RGPD8: variants seen among roughly 807,000 people sequenced by gnomAD.
The protein encoded by RGPD8 is RANBP2-like and GRIP domain-containing protein 8.
Under a neutral mutation model 89.1 loss-of-function variants are expected in RGPD8, and 15 were observed. The ratio of observed to expected loss-of-function variants is 0.17; its 90% CI spans 0.11 to 0.26. The LOEUF is 0.26. RGPD8 is among the 10% of genes least tolerant of loss of function. RGPD8 has a pLI of 1.00. For missense variants in RGPD8, 178 were observed against 1,179.6 expected, an observed-to-expected ratio of 0.15 and a Z score of 12.44; for synonymous variants, 62 against 420.9, an observed-to-expected ratio of 0.15 and a Z score of 10.44.
chr2:112,379,598 AAAAAAAC>A (rs1046676855), intron 21 of RGPD8, among the ~76,000 whole-genome samples: 1 of 119,080 alleles, frequency 8.4e-6, no homozygotes, highest in African/African-American at 2.7e-5. Flanking sequence ...ATCTCAAAAA[AAAAAAAC>A]AAGAAAATAT....
At chr2:112,431,359 T>C (rs1334200188) in intron 1 of RGPD8, among the ~76,000 whole-genome samples, 1 of 152,220 alleles carries the variant, frequency 6.6e-6, no homozygotes, top group Non-Finnish European at 1.5e-5. Context: ...TTCATATTTA[T>C]ACTATGCTAG....
chr2:112,432,714 A>G (rs1680098669), intron 1 of RGPD8: 1 of 985,182 alleles, frequency 1.0e-6, no homozygotes, highest in South Asian at 4.7e-5. Flanking sequence ...CGCGGGTACT[A>G]CGGGGCCAGA....
chr2:112,404,867 G>GA (rs1227179322), intron 8 of RGPD8, among the ~76,000 whole-genome samples: 3,798 of 77,158 alleles, frequency 0.049, 2 homozygotes, highest in East Asian at 0.2. Context: ...ACTGTCTCAG[G>GA]AAAAAAAAAA....
Position 112,433,488 on chromosome 2 carries a change from G to C in RGPD8, c.-35C>G, listed in dbSNP as rs774732582. On this transcript the variant is annotated 5_prime_UTR_variant, in exon 1 of 23. Transcript: ENST00000302558. ...AACCTGGCTCCCGAGACGCGTGCGA[G>C]CACCGCTCAGCCCCGCAGCAGTCGC... 9.4e-6 allele frequency: 15 copies of C among 1,592,264 alleles called. No homozygotes were observed. In the South Asian group the frequency reaches 1.7e-4, roughly 18 times the overall value.
intron 1 of RGPD8, among the ~76,000 whole-genome samples, chr2:112,424,928 G>A (rs1318041545): frequency 6.7e-6 from 1 of 149,472 alleles, no homozygotes; most frequent in Non-Finnish European, 1.5e-5. Context: ...GCCAGGCATA[G>A]TGGAGCATGC....
chr2:112,380,306 C>T (rs1402369125), intron 21 of RGPD8, among the ~76,000 whole-genome samples: 1 of 127,912 alleles, frequency 7.8e-6, no homozygotes, highest in Non-Finnish European at 1.7e-5. Flanking sequence ...AAATCTATTA[C>T]GGTTTCTTAG....
chr2:112,431,584 TATG>T (rs1263632948), intron 1 of RGPD8, among the ~76,000 whole-genome samples: 1 of 151,904 alleles, frequency 6.6e-6, no homozygotes, highest in Non-Finnish European at 1.5e-5. Flanking sequence ...TATGCTTAGT[TATG>T]ATAAGAGACA....
intron 2 of RGPD8, among the ~76,000 whole-genome samples, chr2:112,423,923 T>C (rs1203145454): frequency 6.6e-6 from 1 of 152,274 alleles, no homozygotes; most frequent in Non-Finnish European, 1.5e-5. Flanking sequence ...AGGTATCAGA[T>C]ATCTAACCAA....
At chr2:112,430,687 A>T (rs1480455452) in intron 1 of RGPD8, among the ~76,000 whole-genome samples, 1 of 150,586 alleles carries the variant, frequency 6.6e-6, no homozygotes, top group Non-Finnish European at 1.5e-5. Context: ...AATCAGGCTG[A>T]GCAGAGTGGC....
At chr2:112,382,177 T>C (rs1452206880) in intron 20 of RGPD8, among the ~76,000 whole-genome samples, 3 of 152,308 alleles carry the variant, frequency 2.0e-5, no homozygotes, top group Non-Finnish European at 4.4e-5. Flanking sequence ...TTTTGGAACT[T>C]GGACTGGCTC....
chr2:112,410,715 T>C (rs1353659980), intron 7 of RGPD8, among the ~76,000 whole-genome samples: 1 of 151,182 alleles, frequency 6.6e-6, no homozygotes, highest in African/African-American at 2.5e-5. Context: ...GAGACACAGG[T>C]TGCAGTGAGC....
At chr2:112,422,297 C>A (rs1482309392) in intron 3 of RGPD8, among the ~76,000 whole-genome samples, 185 bp from the exon 4 acceptor site, 2 of 138,434 alleles carry the variant, frequency 1.4e-5, no homozygotes, top group Non-Finnish European at 3.1e-5. Context: ...AGAAATGAAT[C>A]AAATAAAAAT....
At chr2:112,372,121 C>T (rs1369175069) in intron 22 of RGPD8, among the ~76,000 whole-genome samples, 1 of 32,366 alleles carries the variant, frequency 3.1e-5, no homozygotes, top group African/African-American at 1.3e-4. Flanking sequence ...GAATCTACTT[C>T]CAAACTTATG....
intron 3 of RGPD8, 96 bp downstream of exon 3, chr2:112,422,452 T>C (rs1679594911): frequency 3.2e-6 from 5 of 1,545,614 alleles, no homozygotes; most frequent in East Asian, 2.4e-5. Context: ...GCCTGTTTTA[T>C]GATATTTATA....
At chr2:112,422,769 T>G in intron 2 of RGPD8, 110 bp from the exon 3 acceptor site, 1 of 548,676 alleles carries the variant, frequency 1.8e-6, no homozygotes, top group Non-Finnish European at 3.0e-6. Context: ...GTTTATATTG[T>G]TACTCAAAAC....
intron 7 of RGPD8, among the ~76,000 whole-genome samples, chr2:112,411,323 CT>C (rs1337262914): frequency 6.9e-6 from 1 of 144,150 alleles, no homozygotes; most frequent in Non-Finnish European, 1.5e-5. Context: ...AATCCCAGCA[CT>C]TTGGGAGGCC....
intron 7 of RGPD8, among the ~76,000 whole-genome samples, chr2:112,411,065 C>A (rs1222864652): frequency 6.6e-6 from 1 of 152,218 alleles, no homozygotes; most frequent in African/African-American, 2.4e-5. Context: ...GCCTGGGCAA[C>A]AAGAGCAAAA....
At chr2:112,424,448 A>T in intron 1 of RGPD8, 141 bp from the exon 2 acceptor site, 1 of 1,061,560 alleles carries the variant, frequency 9.4e-7, no homozygotes, top group Non-Finnish European at 1.3e-6. Flanking sequence ...AGCTGGGTGC[A>T]GCGGCTCATG....
chr2:112,411,201 G>C (rs1308966840), intron 7 of RGPD8, among the ~76,000 whole-genome samples: 4 of 151,792 alleles, frequency 2.6e-5, no homozygotes, highest in Admixed American at 2.0e-4. Flanking sequence ...TTCTAAGCCT[G>C]GTTTAATGTT....
Sources: allele counts gnomAD v4.1 joint callset (sites outside exome capture counted in the v4.1 genomes callset), GRCh38; gene constraint gnomAD v4.1.1; transcripts MANE v1.5; gene names NCBI Gene and HGNC (gene_info 2026-07-23, HGNC 2026-07-21).